The following RAB13 variants were observed in gnomAD, a reference collection of about 807,000 sequenced individuals.
The protein encoded by RAB13 is ras-related protein Rab-13.
Under a neutral mutation model 29.3 loss-of-function variants are expected in RAB13, and 15 were observed. The ratio of observed to expected loss-of-function variants is 0.51; its 90% CI spans 0.34 to 0.79. The LOEUF (loss-of-function observed/expected upper bound fraction) is 0.79, where lower values mean the gene tolerates loss of function less well. RAB13 is among the 30% of genes least tolerant of loss of function. The probability of loss-of-function intolerance (pLI) is 0.01; values close to 1 mark genes in which losing one functional copy is unlikely to be tolerated. For missense variants in RAB13, 186 were observed against 255.5 expected, an observed-to-expected ratio of 0.73 and a Z score of 1.85; for synonymous variants, 82 against 93.8, an observed-to-expected ratio of 0.87 and a Z score of 0.73.
chr1:153,982,426 G>T lies in RAB13; in HGVS notation c.499C>A (p.Arg167=). The T allele has an allele frequency of 6.2e-7, 1 of 1,613,858 alleles. No individual in the cohort carries two copies. Among genetic ancestry groups the T allele is most frequent in the Non-Finnish European group, 8.5e-7 (1 of 1,179,890 alleles). ...NVDEAFSSLA[R]DILLKSGGRR... is the part of the protein sequence containing the mutation. ...CCTCCTGACTTGAGCAAGATGTCCC[G>T]GGCCAGGGAACTAAAAGCCTAAAGT... The change falls in exon 7 of 8, where the codon CGG becomes AGG. Residue 167 remains arginine (R), a synonymous_variant. Transcript: ENST00000368575.
chr1:153,987,948 G>C (rs1413888895), upstream of RAB13, among the ~76,000 whole-genome samples: 1 of 151,884 alleles, frequency 6.6e-6, no homozygotes, highest in East Asian at 1.9e-4. Context: ...GATAGAGTAA[G>C]ATCCTGTTTC....
upstream of RAB13, among the ~76,000 whole-genome samples, chr1:153,989,162 C>A (rs1339292399): frequency 7.0e-6 from 1 of 142,392 alleles, no homozygotes; most frequent in African/African-American, 2.5e-5. Flanking sequence ...GAACTCCCGA[C>A]GTCACGTGAT....
intron 3 of RAB13, 70 bp from the exon 4 acceptor site, chr1:153,983,366 C>G: frequency 6.6e-7 from 1 of 1,506,368 alleles, no homozygotes; most frequent in Admixed American, 1.7e-5. Flanking sequence ...TAAGTGACCC[C>G]GCATCCATGG....
intron 6 of RAB13, 36 bp from the exon 7 acceptor site, chr1:153,982,480 G>A (rs1438614191): frequency 1.9e-6 from 3 of 1,607,958 alleles, no homozygotes; most frequent in Admixed American, 1.7e-5. Flanking sequence ...GGAGGGAGGA[G>A]AATCTACCTT....
chr1:153,986,576 G>T (rs1173339534), upstream of RAB13, among the ~76,000 whole-genome samples: 2 of 152,178 alleles, frequency 1.3e-5, no homozygotes, highest in Admixed American at 6.5e-5. Context: ...GGCCAGAGAG[G>T]CTGGGGTGAA....
chr1:153,988,732 G>A (rs1649259968), upstream of RAB13, among the ~76,000 whole-genome samples: 2 of 149,516 alleles, frequency 1.3e-5, no homozygotes, highest in Non-Finnish European at 3.0e-5. Context: ...TCCTGCCTCA[G>A]CCTCGCGAGT....
intron 1 of RAB13, 186 bp downstream of exon 1, chr1:153,985,927 G>T: frequency 9.9e-7 from 1 of 1,009,760 alleles, no homozygotes; most frequent in African/African-American, 1.6e-5. Context: ...GAAGGCCTCA[G>T]AGAGGTGAGA....
At chr1:153,987,208 G>T (rs926414319), upstream of RAB13, among the ~76,000 whole-genome samples, 1 of 152,178 alleles carries the variant, frequency 6.6e-6, no homozygotes, top group Non-Finnish European at 1.5e-5. Flanking sequence ...AACAGCACGG[G>T]TATAAAGAAA....
At chr1:153,986,796 C>T (rs1449386247), upstream of RAB13, among the ~76,000 whole-genome samples, 1 of 152,086 alleles carries the variant, frequency 6.6e-6, no homozygotes, top group Non-Finnish European at 1.5e-5. Flanking sequence ...GAGTAAAAGG[C>T]AGTCCTAGAA....
upstream of RAB13, among the ~76,000 whole-genome samples, chr1:153,988,235 G>A (rs914107447): frequency 8.7e-5 from 13 of 150,202 alleles, no homozygotes; most frequent in Non-Finnish European, 1.6e-4. Context: ...CTTCTGATCC[G>A]CCCGCCTCGG....
Position 153,983,244 on chromosome 1 carries a change from T to G in RAB13, c.299A>C (p.Gln100Pro), listed in dbSNP as rs1278526745. 1.2e-6 allele frequency: 2 copies of G among 1,614,018 alleles called. No individual in the cohort carries two copies. The highest frequency in any genetic ancestry group is 1.7e-6 in the Non-Finnish European group (2 of 1,179,848). The change falls in exon 4 of 8, where the codon CAG becomes CCG. Residue 100 changes from glutamine (Q) to proline (P), a missense_variant. Physicochemically the swap from Gln to Pro is moderately conservative, Grantham distance 76. Coordinates refer to ENST00000368575, the MANE Select transcript of RAB13 (RefSeq NM_002870.5). Reference sequence around the variant, plus strand: ...CTCCTTGATGCTTTTCATCCAGTTCTGAATATTCTCGAAAGATTTCTCATC... The same window carrying G: ...CTCCTTGATGCTTTTCATCCAGTTCGGAATATTCTCGAAAGATTTCTCATC... ...ITDEKSFENI[Q>P]NWMKSIKENA...
chr1:153,984,865 G>A, intron 1 of RAB13, 84 bp from the exon 2 acceptor site: 1 of 1,458,308 alleles, frequency 6.9e-7, no homozygotes, highest in Non-Finnish European at 9.1e-7. Flanking sequence ...GAACGGAGCA[G>A]TGCTGGCACC....
chr1:153,986,447 C>A (rs544673589), upstream of RAB13: 7 of 555,738 alleles, frequency 1.3e-5, no homozygotes, highest in African/African-American at 1.3e-4. Flanking sequence ...GGCTGCCAGC[C>A]CGGCCTCTGT....
At chr1:153,984,958 A>C (rs1210801191) in intron 1 of RAB13, 177 bp from the exon 2 acceptor site, 1 of 1,349,986 alleles carries the variant, frequency 7.4e-7, no homozygotes, top group Non-Finnish European at 9.5e-7. Context: ...CTGTATTTGT[A>C]TAGCAAGAAT....
Position 153,984,755 on chromosome 1 carries a change from C to T in RAB13, c.151G>A (p.Asp51Asn). The change falls in exon 2 of 8, where the codon GAT becomes AAT. Residue 51 changes from aspartate (D) to asparagine (N), a missense_variant. Transcript: ENST00000368575. ...AGTTTGATCTTCTTCCCCTCTATATCCACAGTGCGGATCTTGAAATCAATT... is the reference window on the plus strand; with the variant it reads ...AGTTTGATCTTCTTCCCCTCTATATTCACAGTGCGGATCTTGAAATCAATT... ...IGIDFKIRTV[D>N]IEGKKIKLQV... 2 of 1,613,666 alleles carry T rather than the reference C, an allele frequency of 1.2e-6. No homozygotes were observed. Among genetic ancestry groups the T allele is most frequent in the Non-Finnish European group, 8.5e-7 (1 of 1,179,822 alleles).
At chr1:153,986,505 A>G (rs1190900126), upstream of RAB13, 23 of 470,940 alleles carry the variant, frequency 4.9e-5, no homozygotes, top group South Asian at 2.0e-4. Flanking sequence ...CTCTCTCGCT[A>G]TTTTCCACAG....
intron 1 of RAB13, among the ~76,000 whole-genome samples, chr1:153,985,730 A>ATTTT (rs1316571247): frequency 1.3e-5 from 2 of 152,030 alleles, no homozygotes; most frequent in African/African-American, 4.8e-5. Flanking sequence ...CTAGCATCGG[A>ATTTT]TCGGGAGAAA....
At chr1:153,983,643 CT>C in intron 2 of RAB13, 62 bp from the exon 3 acceptor site, 2 of 1,414,116 alleles carry the variant, frequency 1.4e-6, no homozygotes, top group Non-Finnish European at 2.0e-6. Context: ...CGGAATAATT[CT>C]TCCTCTCTCA....
At chr1:153,990,691 TG>T, upstream of RAB13, 1 of 1,480,600 alleles carries the variant, frequency 6.8e-7, no homozygotes, top group Non-Finnish European at 9.4e-7. Context: ...GTTCCAAACA[TG>T]GTGGCACAAG....
Sources: allele counts gnomAD v4.1 joint callset (sites outside exome capture counted in the v4.1 genomes callset), GRCh38; gene constraint gnomAD v4.1.1; transcripts MANE v1.5; gene names NCBI Gene and HGNC (gene_info 2026-07-23, HGNC 2026-07-21).